HTR4: variants seen among roughly 807,000 people sequenced by gnomAD.
HTR4 encodes the protein 5-hydroxytryptamine (serotonin) receptor 4, G protein-coupled.
HTR4 carries 16 observed loss-of-function variants against 36.8 expected under a neutral mutation model. The ratio of observed to expected loss-of-function variants is 0.43; its 90% CI spans 0.29 to 0.66. The LOEUF (loss-of-function observed/expected upper bound fraction) is 0.66, where lower values mean the gene tolerates loss of function less well. Among genes scored for constraint, HTR4 ranks in the 30% least tolerant of loss-of-function variants. The pLI is 0.13. For synonymous variants in HTR4, 189 were observed against 185.1 expected (o/e 1.02, Z -0.17); for missense variants, 438 against 490.9 (o/e 0.89, Z 1.02).
intron 6 of HTR4, chr5:148,484,166 A>C: frequency 7.6e-7 from 1 of 1,315,448 alleles, no homozygotes; most frequent in Non-Finnish European, 1.0e-6. Flanking sequence ...AATAATCTAC[A>C]ATGGTAGATA....
chr5:148,452,406 T>C (rs908326595), intron 5 of HTR4, among the ~76,000 whole-genome samples: 14 of 152,110 alleles, frequency 9.2e-5, no homozygotes, highest in Non-Finnish European at 2.1e-4. Context: ...AGAAAAGTGG[T>C]TCTCAGCAGA....
intron 4 of HTR4, among the ~76,000 whole-genome samples, chr5:148,548,010 G>A (rs1486290719): frequency 6.6e-6 from 1 of 152,048 alleles, no homozygotes; most frequent in Non-Finnish European, 1.5e-5. Flanking sequence ...GAATAGTGAT[G>A]GTACAAGTGA....
At chr5:148,547,435 C>T (rs1017603715) in intron 4 of HTR4, among the ~76,000 whole-genome samples, 2 of 151,794 alleles carry the variant, frequency 1.3e-5, no homozygotes, top group Non-Finnish European at 2.9e-5. Context: ...AGGAGAATGG[C>T]GAGAACCCGG....
chr5:148,572,584 C>T (rs943783125), intron 2 of HTR4, among the ~76,000 whole-genome samples: 5 of 152,124 alleles, frequency 3.3e-5, no homozygotes, highest in Non-Finnish European at 7.4e-5. Context: ...GCCTGCTCTC[C>T]TTCAATGAGC....
chr5:148,458,426 T>C (rs1755179143), intron 5 of HTR4, among the ~76,000 whole-genome samples: 2 of 152,026 alleles, frequency 1.3e-5, no homozygotes, highest in African/African-American at 4.8e-5. Flanking sequence ...GGAGACACAG[T>C]CCCTGTCCTC....
chr5:148,479,164 T>TC (rs2113712789), downstream of HTR4, among the ~76,000 whole-genome samples: 1 of 152,244 alleles, frequency 6.6e-6, no homozygotes, highest in African/African-American at 2.4e-5. Context: ...GGTGACCATG[T>TC]CATAGAGGTT....
chr5:148,474,929 C>A (rs1211807378), downstream of HTR4, among the ~76,000 whole-genome samples: 1 of 151,940 alleles, frequency 6.6e-6, no homozygotes, highest in Non-Finnish European at 1.5e-5. Flanking sequence ...GCCTGTAATC[C>A]CAGCTACTCG....
At chr5:148,501,874 A>G (rs1441620170) in intron 6 of HTR4, among the ~76,000 whole-genome samples, 1 of 152,084 alleles carries the variant, frequency 6.6e-6, no homozygotes, top group Non-Finnish European at 1.5e-5. Context: ...CCTGGCTAAC[A>G]TGGTGAAACC....
In HTR4 at chr5:148,547,259, A is replaced by G. The variant is rs1759423892; in HGVS notation, c.353+1409T>C. Reference sequence around the variant, plus strand: ...ATGATGTTAGTGTTTAAAAGTGTGTATGTTAGATATACCACAATCTCTAGT... The same window carrying G: ...ATGATGTTAGTGTTTAAAAGTGTGTGTGTTAGATATACCACAATCTCTAGT... On this transcript the variant is annotated intron_variant, in intron 4 of 6. Transcript: ENST00000377888. Among the ~76,000 whole-genome samples, 4 of 152,254 alleles carry G rather than the reference A, an allele frequency of 2.6e-5. No individual in the cohort carries two copies. The South Asian group carries it at 8.3e-4, about 32-fold the overall frequency.
chr5:148,522,136 A>G (rs916925286), intron 5 of HTR4, among the ~76,000 whole-genome samples: 44 of 152,266 alleles, frequency 2.9e-4, no homozygotes, highest in African/African-American at 1.0e-3. Flanking sequence ...TCTTGCCTGC[A>G]GCCACGTAAG....
chr5:148,571,449 C>A (rs1466939203), intron 2 of HTR4, among the ~76,000 whole-genome samples: 2 of 151,946 alleles, frequency 1.3e-5, no homozygotes, highest in African/African-American at 4.8e-5. Flanking sequence ...AAATTACTCT[C>A]CTTTTATTGC....
Position 148,587,453 on chromosome 5 carries a change from G to A in HTR4, c.27-37191C>T, listed in dbSNP as rs112495478. 2.6e-3 allele frequency among the ~76,000 whole-genome samples: 393 copies of A among 152,228 alleles called. 2 individuals are homozygous for A. The highest frequency in any genetic ancestry group is 9.1e-3 in the African/African-American group (380 of 41,538). On this transcript the variant is annotated intron_variant, in intron 2 of 6. Transcript: ENST00000377888. ...GGATGCTTTGAAGTACTTGGGCGGAGGGTTGGGGGGGTGGTGAAAGAAAGC... is the reference window on the plus strand; with the variant it reads ...GGATGCTTTGAAGTACTTGGGCGGAAGGTTGGGGGGGTGGTGAAAGAAAGC...
chr5:148,610,735 C>T (rs1206056345), intron 2 of HTR4, among the ~76,000 whole-genome samples: 24 of 146,852 alleles, frequency 1.6e-4, no homozygotes, highest in Non-Finnish European at 2.4e-4. Context: ...CTCTGAGCTA[C>T]GGGAGGACAT....
intron 6 of HTR4, among the ~76,000 whole-genome samples, chr5:148,506,994 T>A (rs557436167): frequency 0.016 from 2,403 of 152,276 alleles, 34 homozygotes; most frequent in Middle Eastern, 0.048. Flanking sequence ...GAACTAGAAA[T>A]ACCATTTGAC....
intron 6 of HTR4, among the ~76,000 whole-genome samples, chr5:148,500,661 A>G (rs1194087264): frequency 6.6e-6 from 1 of 152,038 alleles, no homozygotes; most frequent in East Asian, 1.9e-4. Flanking sequence ...AGAAATTAAT[A>G]AGAAAAATAC....
intron 2 of HTR4, among the ~76,000 whole-genome samples, chr5:148,618,549 T>C (rs926123251): frequency 3.9e-5 from 6 of 152,210 alleles, no homozygotes; most frequent in African/African-American, 9.6e-5. Flanking sequence ...TCCTGATCTC[T>C]TTGTGGGATC....
At chr5:148,643,092 C>A (rs1490286026) in intron 1 of HTR4, among the ~76,000 whole-genome samples, 2 of 152,156 alleles carry the variant, frequency 1.3e-5, no homozygotes, top group Admixed American at 6.5e-5. Flanking sequence ...ATTTGCATAA[C>A]TGAATATCCA....
chr5:148,527,097 A>G (rs1225638892), intron 4 of HTR4, among the ~76,000 whole-genome samples: 2 of 152,224 alleles, frequency 1.3e-5, no homozygotes, highest in African/African-American at 4.8e-5. Context: ...CCCTGATTTG[A>G]TCACTACACA....
intron 2 of HTR4, among the ~76,000 whole-genome samples, chr5:148,590,300 T>C (rs1156624524): frequency 4.0e-5 from 5 of 126,048 alleles, no homozygotes; most frequent in Non-Finnish European, 8.3e-5. Context: ...TTTTTTTTTT[T>C]TTTTTTTTTT....
Sources: allele counts gnomAD v4.1 joint callset (sites outside exome capture counted in the v4.1 genomes callset), GRCh38; gene constraint gnomAD v4.1.1; transcripts MANE v1.5; gene names NCBI Gene and HGNC (gene_info 2026-07-23, HGNC 2026-07-21).